The following CYLC2 variants were observed in gnomAD, a reference collection of about 807,000 sequenced individuals.
CYLC2 encodes the protein cylicin 2.
In CYLC2, 30 loss-of-function variants were observed where a neutral mutation model predicts 26.1. That is an observed-to-expected ratio of 1.15 (90% CI 0.86 to 1.56). The LOEUF (loss-of-function observed/expected upper bound fraction) is 1.56, where lower values mean the gene tolerates loss of function less well. Ranked by LOEUF, CYLC2 falls within the 40% of genes most tolerant of loss-of-function variation. CYLC2 has a pLI of 0.00. For synonymous variants in CYLC2, 158 were observed against 132.8 expected (o/e 1.19, Z -1.31); for missense variants, 498 against 394.4 (o/e 1.26, Z -2.23).
intron 5 of CYLC2, among the ~76,000 whole-genome samples, chr9:103,009,986 CAT>C (rs746481162): frequency 2.3e-4 from 17 of 73,140 alleles, no homozygotes; most frequent in African/African-American, 7.8e-4. Flanking sequence ...TTACATTTTA[CAT>C]GTATGTGTAT....
chr9:103,003,366 T>C, intron 3 of CYLC2, 103 bp downstream of exon 3: 2 of 1,050,460 alleles, frequency 1.9e-6, no homozygotes, highest in Middle Eastern at 2.5e-4. Flanking sequence ...AATCACTAAG[T>C]AGTAAGCTTG....
intron 6 of CYLC2, among the ~76,000 whole-genome samples, chr9:103,015,338 T>A (rs1354905068): frequency 7.7e-6 from 1 of 129,664 alleles, no homozygotes; most frequent in Non-Finnish European, 1.6e-5. Context: ...CAATATATTA[T>A]GTTATATATA....
rs180741629 is a variant in CYLC2, at chr9:103,005,296, A to G, written c.665A>G (p.Lys222Arg). 315 of 1,613,836 alleles carry G rather than the reference A, an allele frequency of 2.0e-4. 1 individual carries two copies. Among genetic ancestry groups the G allele is most frequent in the Non-Finnish European group, 2.3e-4 (273 of 1,179,930 alleles). The change falls in exon 5 of 8, where the codon AAG (lysine) becomes AGG (arginine). Residue 222 changes from lysine (K) to arginine (R), a missense_variant. Physicochemically the swap from Lys to Arg is conservative, Grantham distance 26. Coordinates refer to ENST00000374798, the MANE Select transcript of CYLC2 (RefSeq NM_001340.5). ...GTEKDSKKGK[K>R]DSKKGKDSAI... is the part of the protein sequence containing the mutation. The stretch of plus-strand genomic sequence containing the variant: ...GAGAAAGATAGCAAAAAAGGTAAAA[A>G]GGATTCAAAGAAGGGCAAGGATTCA...
At chr9:103,003,314 A>G in intron 3 of CYLC2, 51 bp downstream of exon 3, 1 of 1,469,316 alleles carries the variant, frequency 6.8e-7, no homozygotes, top group Non-Finnish European at 9.3e-7. Flanking sequence ...ATAACTTAGT[A>G]ATAATTATAA....
At chr9:103,001,846 A>C (rs1363856372) in intron 2 of CYLC2, among the ~76,000 whole-genome samples, 1 of 152,132 alleles carries the variant, frequency 6.6e-6, no homozygotes. Flanking sequence ...TGAAAGCCGG[A>C]AATAGTTACA....
chr9:103,013,918 T>TA (rs1466780429), intron 6 of CYLC2, among the ~76,000 whole-genome samples: 4 of 114,736 alleles, frequency 3.5e-5, no homozygotes, highest in Non-Finnish European at 3.2e-5. Context: ...ATATTATACA[T>TA]TATATATCAT....
At chr9:103,010,531 C>T (rs1829395920) in intron 5 of CYLC2, among the ~76,000 whole-genome samples, 1 of 152,072 alleles carries the variant, frequency 6.6e-6, no homozygotes, top group Non-Finnish European at 1.5e-5. Context: ...CTGAATGAAT[C>T]TCATATGACA....
intron 5 of CYLC2, among the ~76,000 whole-genome samples, chr9:103,007,267 G>T (rs1367916381): frequency 6.6e-6 from 1 of 151,978 alleles, no homozygotes; most frequent in Non-Finnish European, 1.5e-5. Flanking sequence ...TGAGGGAGAG[G>T]TTACTAGCTT....
At chr9:103,013,857 TTA>T (rs1293307681) in intron 6 of CYLC2, among the ~76,000 whole-genome samples, 1 of 112,582 alleles carries the variant, frequency 8.9e-6, no homozygotes, top group Admixed American at 1.1e-4. Context: ...ATACAATGTA[TTA>T]TATATTATAT....
In CYLC2 at chr9:103,006,311, T is replaced by C. The variant is rs900189652; in HGVS notation, c.*633T>C. 1 of 152,098 alleles carries C rather than the reference T, an allele frequency of 6.6e-6. No individual in the cohort carries two copies. The highest frequency in any genetic ancestry group is 1.5e-5 in the Non-Finnish European group (1 of 68,018). The allele number at this position is 152,098 out of a possible 1,614,324, so 9.4% of individuals were successfully genotyped here. On this transcript the variant is annotated 3_prime_UTR_variant, in exon 5 of 8. Transcript: ENST00000374798. ...TGAGCCTACATCTTTCTTTCTGAAG[T>C]TTAAACAACCACAGTCATGTTTATG... is the stretch of plus-strand genomic sequence containing the variant.
chr9:103,015,725 A>G (rs930337191), intron 6 of CYLC2, among the ~76,000 whole-genome samples: 2 of 149,056 alleles, frequency 1.3e-5, no homozygotes, highest in Non-Finnish European at 3.0e-5. Context: ...GTTTTTTAGA[A>G]TATTTTGCCT....
intron 1 of CYLC2, 96 bp downstream of exon 1, chr9:102,995,493 T>A (rs975726272): frequency 1.2e-5 from 11 of 891,224 alleles, no homozygotes; most frequent in Middle Eastern, 2.9e-4. Flanking sequence ...ATTATTATGA[T>A]GCCATTCATA....
intron 6 of CYLC2, among the ~76,000 whole-genome samples, chr9:103,013,143 T>A (rs1829427132): frequency 1.6e-5 from 1 of 62,648 alleles, no homozygotes; most frequent in Non-Finnish European, 3.4e-5. Flanking sequence ...CATATAAATA[T>A]ATCATATATA....
rs577355953 is a variant in CYLC2, at chr9:102,995,577, C to T, written c.17+180C>T. Among the ~76,000 whole-genome samples, 5 of 151,970 alleles carry T rather than the reference C, an allele frequency of 3.3e-5. No homozygotes were observed. The East Asian group carries it at 7.7e-4, about 23-fold the overall frequency. On this transcript the variant is annotated intron_variant, in intron 1 of 7. Transcript: ENST00000374798. ...TAGATTTTTTTGATTTAAGACATAG[C>T]TAGTGCATGCATTTCAGTAAAATAG...
At chr9:103,015,966 A>G (rs1829500654) in intron 6 of CYLC2, among the ~76,000 whole-genome samples, 1 of 150,180 alleles carries the variant, frequency 6.7e-6, no homozygotes, top group South Asian at 2.1e-4. Flanking sequence ...TATATATAAT[A>G]TGTAAGTATA....
In CYLC2 at chr9:103,018,404, T is replaced by C. The variant is rs370930452; in HGVS notation, c.*970T>C. 2 of 151,948 alleles carry C rather than the reference T, an allele frequency of 1.3e-5. No homozygotes were observed. Among genetic ancestry groups the C allele is most frequent in the African/African-American group, 2.4e-5 (1 of 41,410 alleles). The allele number at this position is 151,948 out of a possible 1,614,324, so 9.4% of individuals were successfully genotyped here. A position where few individuals can be genotyped will look rare whatever the true frequency, so the allele number is the denominator to read the frequency against. On this transcript the variant is annotated 3_prime_UTR_variant, in exon 8 of 8. Coordinates refer to ENST00000374798, the MANE Select transcript of CYLC2 (RefSeq NM_001340.5). ...CATTCAGTTGGTGATCTTCCTGTCA[T>C]GAAAGTTGCTTGACAGCTCTAATTA...
chr9:103,005,467 G>A lies in CYLC2; in HGVS notation c.836G>A (p.Ser279Asn). The A allele has an allele frequency of 6.2e-7, 1 of 1,613,730 alleles. No individual in the cohort carries two copies. The highest frequency in any genetic ancestry group is 8.5e-7 in the Non-Finnish European group (1 of 1,179,904). ...KGKKDKKKPSSTDSDSKDDVK... is the reference protein window; with the variant it reads ...KGKKDKKKPSNTDSDSKDDVK... ...AAGAAAGATAAGAAGAAGCCCAGTA[G>A]TACAGACAGTGACTCAAAGGATGAT... Residue 279 changes from serine to asparagine, a missense_variant, in exon 5 of 8, where the codon AGT (serine) becomes AAT (asparagine). Coordinates refer to ENST00000374798, the MANE Select transcript of CYLC2 (RefSeq NM_001340.5).
rs138926365 is a variant in CYLC2 at position 103,004,796 on chromosome 9, C to G, written c.282C>G (p.Ala94=). Residue 94 remains alanine (A), a synonymous_variant, in exon 4 of 8, where the codon GCC becomes GCG. Transcript: ENST00000374798. The part of the protein sequence containing the change: ...ISERPSVYLA[A]RRQPLKPTRT... ...AGAGACCATCTGTTTATTTAGCTGC[C>G]AGGAGGCAGCCTCTCAAACCAACTC... The G allele has an allele frequency of 6.2e-6, 10 of 1,612,718 alleles. No individual in the cohort carries two copies. Among genetic ancestry groups the G allele is most frequent in the Non-Finnish European group, 8.5e-6 (10 of 1,179,596 alleles).
chr9:103,012,766 GTTA>G, intron 6 of CYLC2, among the ~76,000 whole-genome samples: 1 of 151,616 alleles, frequency 6.6e-6, no homozygotes, highest in East Asian at 1.9e-4. Context: ...TTATTAATAA[GTTA>G]TTATATGTGG....
Sources: gnomAD v4.1 joint callset for allele counts (sites outside exome capture counted in the v4.1 genomes callset) on GRCh38, gnomAD v4.1.1 for gene constraint, MANE v1.5 for transcripts, NCBI Gene and HGNC (gene_info 2026-07-23, HGNC 2026-07-21) for gene names.